GALNTL6: variants seen among roughly 807,000 people sequenced by gnomAD.
The protein encoded by GALNTL6 is polypeptide N-acetylgalactosaminyltransferase-like 6.
In GALNTL6, 46 loss-of-function variants were observed where a neutral mutation model predicts 73.7. The ratio of observed to expected loss-of-function variants is 0.62; its 90% CI spans 0.49 to 0.80. The LOEUF (loss-of-function observed/expected upper bound fraction) is 0.80. Ranked by LOEUF, GALNTL6 falls within the 30% of genes least tolerant of loss-of-function variation. The probability of loss-of-function intolerance (pLI) is 0.00; values close to 1 mark genes in which losing one functional copy is unlikely to be tolerated. For missense variants in GALNTL6, 604 were observed against 755.0 expected (o/e 0.80, Z 2.34); for synonymous variants, 259 against 263.7 (o/e 0.98, Z 0.17).
intron 2 of GALNTL6, among the ~76,000 whole-genome samples, chr4:171,820,510 C>T (rs766660750): frequency 6.6e-5 from 10 of 152,160 alleles, no homozygotes; most frequent in Non-Finnish European, 1.5e-4. Flanking sequence ...ATCCACCCAA[C>T]TGTTTTGTTT....
chr4:171,849,547 A>T (rs995213939), intron 2 of GALNTL6, among the ~76,000 whole-genome samples: 2 of 152,224 alleles, frequency 1.3e-5, no homozygotes, highest in African/African-American at 4.8e-5. Context: ...AAATAAAGAA[A>T]ATCTTGTAAG....
chr4:172,579,395 T>A (rs1167708071), intron 5 of GALNTL6, among the ~76,000 whole-genome samples: 1 of 152,194 alleles, frequency 6.6e-6, no homozygotes, highest in Non-Finnish European at 1.5e-5. Flanking sequence ...AAACTATATA[T>A]AAGTCTTTAT....
chr4:172,541,664 A>G (rs1269102842), intron 5 of GALNTL6, among the ~76,000 whole-genome samples: 3 of 152,310 alleles, frequency 2.0e-5, no homozygotes, highest in African/African-American at 7.2e-5. Context: ...TTTTATACGT[A>G]GATATGCTTC....
chr4:172,878,651 A>G (rs1745307552), intron 7 of GALNTL6, among the ~76,000 whole-genome samples: 1 of 151,886 alleles, frequency 6.6e-6, no homozygotes, highest in South Asian at 2.1e-4. Context: ...TTTTATGTCA[A>G]AAAGGACAAT....
chr4:172,078,845 T>C (rs770306910), intron 2 of GALNTL6, among the ~76,000 whole-genome samples: 1 of 152,180 alleles, frequency 6.6e-6, no homozygotes, highest in Admixed American at 6.5e-5. Flanking sequence ...TGTTTTGATA[T>C]AGAAATCTAA....
chr4:173,021,369 C>A, intron 11 of GALNTL6, 107 bp from the exon 12 acceptor site: 1 of 1,146,188 alleles, frequency 8.7e-7, no homozygotes, highest in Non-Finnish European at 1.3e-6. Flanking sequence ...TTTGGCAGAT[C>A]ACAAAGCAGG....
intron 5 of GALNTL6, among the ~76,000 whole-genome samples, chr4:172,358,020 A>G (rs368729867): frequency 6.6e-6 from 1 of 152,176 alleles, no homozygotes; most frequent in Non-Finnish European, 1.5e-5. Context: ...AAAATAAATG[A>G]AAGTCTCTAT....
intron 7 of GALNTL6, among the ~76,000 whole-genome samples, chr4:172,824,808 C>T (rs1295236166): frequency 6.6e-6 from 1 of 152,124 alleles, no homozygotes; most frequent in Non-Finnish European, 1.5e-5. Context: ...CAGTACCGCA[C>T]ATACTCCCCT....
chr4:172,207,817 C>T (rs932646828), intron 2 of GALNTL6, among the ~76,000 whole-genome samples: 3 of 152,214 alleles, frequency 2.0e-5, no homozygotes, highest in African/African-American at 7.2e-5. Flanking sequence ...GCCTTCATAA[C>T]TTGCACGCAG....
rs116333022 is a variant in GALNTL6 at position 172,820,852 on chromosome 4, A to G, written c.923+7129A>G. Among the ~76,000 whole-genome samples the G allele has an allele frequency of 4.7e-3, 712 of 152,340 alleles. 5 individuals carry two copies. Among genetic ancestry groups the G allele is most frequent in the African/African-American group, 0.016 (671 of 41,582 alleles). On this transcript the variant is annotated intron_variant, in intron 7 of 12. Coordinates refer to ENST00000506823, the MANE Select transcript of GALNTL6 (RefSeq NM_001034845.3). ...CTCCTTGACCTCAGCCTCCAACCAC[A>G]TAATTCTCTATGATTGAGGTTTCAA...
At chr4:171,900,295 T>C (rs1446749813) in intron 2 of GALNTL6, among the ~76,000 whole-genome samples, 4 of 152,060 alleles carry the variant, frequency 2.6e-5, no homozygotes, top group African/African-American at 9.7e-5. Flanking sequence ...AGTCTCATAC[T>C]TAGTGATATT....
rs1201030424 is a variant in GALNTL6, at chr4:171,914,605, G to A, written c.138+99887G>A. Among the ~76,000 whole-genome samples, 4 of 151,222 alleles carry A rather than the reference G, an allele frequency of 2.6e-5. No individual in the cohort carries two copies. In the East Asian group the frequency reaches 7.8e-4, roughly 29 times the overall value. On this transcript the variant is annotated intron_variant, in intron 2 of 12. Coordinates refer to ENST00000506823, the MANE Select transcript of GALNTL6 (RefSeq NM_001034845.3). Reference sequence around the variant, plus strand: ...CAATTTTTGTATTTTTAGTAGAGATGGGGTTTCACCATGTTGGCCAGGCTG... The same window carrying A: ...CAATTTTTGTATTTTTAGTAGAGATAGGGTTTCACCATGTTGGCCAGGCTG...
At chr4:171,871,307 T>C (rs930802142) in intron 2 of GALNTL6, among the ~76,000 whole-genome samples, 1 of 152,146 alleles carries the variant, frequency 6.6e-6, no homozygotes, top group Admixed American at 6.5e-5. Flanking sequence ...TTACTACTAA[T>C]AGAACAATTA....
At chr4:172,788,395 G>A (rs1214463831) in intron 5 of GALNTL6, among the ~76,000 whole-genome samples, 9 of 151,972 alleles carry the variant, frequency 5.9e-5, no homozygotes, top group South Asian at 2.1e-4. Context: ...TAGATGGGCC[G>A]GGCGCGGTGG....
intron 5 of GALNTL6, among the ~76,000 whole-genome samples, chr4:172,743,926 C>A (rs969282821): frequency 8.5e-5 from 13 of 152,098 alleles, no homozygotes; most frequent in African/African-American, 3.1e-4. Context: ...TGATAGAATT[C>A]ATCACCTTTC....
chr4:172,393,794 T>C (rs1323682169), intron 5 of GALNTL6, among the ~76,000 whole-genome samples: 2 of 152,192 alleles, frequency 1.3e-5, no homozygotes, highest in Admixed American at 1.3e-4. Flanking sequence ...GTCTTAATAA[T>C]TCAAACTATA....
intron 2 of GALNTL6, among the ~76,000 whole-genome samples, chr4:172,091,563 T>G (rs1732202997): frequency 6.6e-6 from 1 of 152,144 alleles, no homozygotes; most frequent in South Asian, 2.1e-4. Flanking sequence ...AACTTTAATT[T>G]CCAAAGGCAG....
At chr4:171,986,125 G>A (rs914862516) in intron 2 of GALNTL6, among the ~76,000 whole-genome samples, 1 of 151,056 alleles carries the variant, frequency 6.6e-6, no homozygotes, top group African/African-American at 2.4e-5. Flanking sequence ...TCCATGTGAA[G>A]AGACCACCAA....
At chr4:172,712,803 A>G (rs552880627) in intron 5 of GALNTL6, among the ~76,000 whole-genome samples, 163 of 152,310 alleles carry the variant, frequency 1.1e-3, no homozygotes, top group African/African-American at 3.8e-3. Flanking sequence ...TATTTGTTAA[A>G]AAGTTCTAAA....
Sources: allele counts gnomAD v4.1 joint callset (sites outside exome capture counted in the v4.1 genomes callset), GRCh38; gene constraint gnomAD v4.1.1; transcripts MANE v1.5; gene names NCBI Gene and HGNC (gene_info 2026-07-23, HGNC 2026-07-21).